YJU2B: variants seen among roughly 807,000 people sequenced by gnomAD.
YJU2B encodes YJU2 splicing factor homolog B.
In YJU2B, 18 loss-of-function variants were observed where a neutral mutation model predicts 38.0. The ratio of observed to expected loss-of-function variants is 0.47; its 90% CI spans 0.33 to 0.70. The LOEUF (loss-of-function observed/expected upper bound fraction) is 0.70. Among genes scored for constraint, YJU2B ranks in the 30% least tolerant of loss-of-function variants. The probability of loss-of-function intolerance (pLI) is 0.02; values close to 1 mark genes in which losing one functional copy is unlikely to be tolerated. For synonymous variants in YJU2B, 246 were observed against 225.4 expected (o/e 1.09, Z -0.82); for missense variants, 538 against 556.3 (o/e 0.97, Z 0.33).
chr19:13,742,823 G>C (rs752162786), intron 2 of YJU2B, among the ~76,000 whole-genome samples: 7 of 152,192 alleles, frequency 4.6e-5, no homozygotes, highest in Non-Finnish European at 7.3e-5. Context: ...TACAAGACAA[G>C]GGCTCAAGCA....
At chr19:13,751,181 G>T (rs1844972898) in intron 1 of YJU2B, among the ~76,000 whole-genome samples, 1 of 152,192 alleles carries the variant, frequency 6.6e-6, no homozygotes, top group South Asian at 2.1e-4. Flanking sequence ...ACTTTGGGAG[G>T]TTGGGGCGGG....
At chr19:13,755,321 C>T (rs1428060410) in intron 3 of YJU2B, among the ~76,000 whole-genome samples, 3 of 151,876 alleles carry the variant, frequency 2.0e-5, no homozygotes, top group African/African-American at 7.3e-5. Context: ...ATTAGCTGGG[C>T]GTAGTGGCCC....
At chr19:13,744,529 A>T (rs2145103259), upstream of YJU2B, among the ~76,000 whole-genome samples, 1 of 152,212 alleles carries the variant, frequency 6.6e-6, no homozygotes, top group South Asian at 2.1e-4. Flanking sequence ...CAAGTTACTT[A>T]TTTACTTCTC....
chr19:13,738,168 C>G (rs978030158), intron 2 of YJU2B, among the ~76,000 whole-genome samples: 7 of 152,214 alleles, frequency 4.6e-5, no homozygotes, highest in African/African-American at 1.2e-4. Context: ...TGAAGCATGA[C>G]TTTTCCATGC....
At chr19:13,757,225 T>C (rs1284465827) in intron 4 of YJU2B, among the ~76,000 whole-genome samples, 193 bp from the exon 5 acceptor site, 1 of 152,134 alleles carries the variant, frequency 6.6e-6, no homozygotes, top group African/African-American at 2.4e-5. Context: ...AAGTTCCTGC[T>C]CAGTTACAAT....
At chr19:13,751,150 G>A (rs1052338534) in intron 1 of YJU2B, among the ~76,000 whole-genome samples, 2 of 152,114 alleles carry the variant, frequency 1.3e-5, no homozygotes, top group African/African-American at 2.4e-5. Flanking sequence ...GGGCATGGTG[G>A]CTCACACCTG....
chr19:13,758,745 A>T, intron 6 of YJU2B, 123 bp from the exon 7 acceptor site: 1 of 1,181,768 alleles, frequency 8.5e-7, no homozygotes, highest in East Asian at 2.5e-5. Flanking sequence ...CACGGCACAC[A>T]GTGGGTGCTC....
chr19:13,763,224 T>G lies in YJU2B; in HGVS notation c.*156T>G, dbSNP rs758331113. 42 of 592,340 alleles carry G rather than the reference T, an allele frequency of 7.1e-5. No homozygotes were observed. Among genetic ancestry groups the G allele is most frequent in the Non-Finnish European group, 1.1e-4 (38 of 343,152 alleles). The allele number at this position is 592,340 out of a possible 1,614,324, so 36.7% of individuals were successfully genotyped here. A position where few individuals can be genotyped will look rare whatever the true frequency, so the allele number is the denominator to read the frequency against. On this transcript the variant is annotated 3_prime_UTR_variant, in exon 10 of 10. Coordinates refer to ENST00000221554, the MANE Select transcript of YJU2B (RefSeq NM_030818.4). ...GCGCCTTCCTGCAACCGTGGAGTTA[T>G]TTATTTGGTCCTGGTGAGGGTGTTT...
At chr19:13,756,687 G>A (rs1051966038) in intron 4 of YJU2B, among the ~76,000 whole-genome samples, 1 of 152,116 alleles carries the variant, frequency 6.6e-6, no homozygotes, top group African/African-American at 2.4e-5. Context: ...AAAAGACAGT[G>A]ATCGTAGTTG....
At chr19:13,738,892 CAA>C (rs527948929) in intron 2 of YJU2B, among the ~76,000 whole-genome samples, 8 of 55,424 alleles carry the variant, frequency 1.4e-4, no homozygotes, top group Non-Finnish European at 1.8e-4. Flanking sequence ...GACTCTGTCT[CAA>C]AAAAAAAAAA....
Position 13,750,194 on chromosome 19 carries a change from CTA to C in YJU2B, c.-201-1412_-201-1411del, listed in dbSNP as rs35798868. Among the ~76,000 whole-genome samples, 1,351 of 152,254 alleles carry C rather than the reference CTA, an allele frequency of 8.9e-3. 20 individuals are homozygous for C. The highest frequency in any genetic ancestry group is 0.031 in the African/African-American group (1,294 of 41,550). Reference sequence around the variant, plus strand: ...GATCAGAATTCCAGGAAACAAGTGACTATGGATTGGATGGTTAGATGAGTTCA... The same window carrying C: ...GATCAGAATTCCAGGAAACAAGTGACTGGATTGGATGGTTAGATGAGTTCA... On this transcript the variant is annotated intron_variant, in intron 1 of 9. Transcript: ENST00000221554.
At chr19:13,754,000 A>G (rs911298666) in intron 2 of YJU2B, among the ~76,000 whole-genome samples, 4 of 151,710 alleles carry the variant, frequency 2.6e-5, no homozygotes, top group Non-Finnish European at 5.9e-5. Context: ...GTGAAACCCC[A>G]TCTCTACTAA....
chr19:13,737,115 A>C (rs1972970880), intron 2 of YJU2B, among the ~76,000 whole-genome samples: 1 of 151,982 alleles, frequency 6.6e-6, no homozygotes. Context: ...GCAGCCTCAA[A>C]CTCCAGGGCT....
intron 6 of YJU2B, 83 bp from the exon 7 acceptor site, chr19:13,758,785 G>A: frequency 6.6e-7 from 1 of 1,511,682 alleles, no homozygotes; most frequent in Non-Finnish European, 9.1e-7. Context: ...ACACCATTGG[G>A]TGGAAGGAAG....
chr19:13,756,869 C>T (rs1020715871), intron 4 of YJU2B, among the ~76,000 whole-genome samples: 3 of 150,816 alleles, frequency 2.0e-5, no homozygotes, highest in Admixed American at 6.7e-5. Context: ...CCCAGCTCCT[C>T]GGGAGGCTGA....
rs1032892751 is a variant in YJU2B at position 13,740,942 on chromosome 19, C to T, written c.-202+8657C>T. 3.9e-5 allele frequency among the ~76,000 whole-genome samples: 6 copies of T among 152,252 alleles called. No homozygotes were observed. In the East Asian group the frequency reaches 7.7e-4, roughly 20 times the overall value. On this transcript the variant is annotated intron_variant, in intron 2 of 10. Transcript: ENST00000586600. The stretch of plus-strand genomic sequence containing the variant: ...CATCCAACCCTCAATTGCAGCCCTG[C>T]GCATAGGGTTCAGCTAAGCCACACC...
At chr19:13,746,620 A>G (rs1192632057), upstream of YJU2B, among the ~76,000 whole-genome samples, 1 of 152,208 alleles carries the variant, frequency 6.6e-6, no homozygotes, top group Non-Finnish European at 1.5e-5. Flanking sequence ...AAAAAGGATC[A>G]GAGAGGCTGG....
upstream of YJU2B, among the ~76,000 whole-genome samples, chr19:13,745,718 T>G (rs1466775245): frequency 1.1e-5 from 1 of 92,534 alleles, no homozygotes; most frequent in South Asian, 3.5e-4. Context: ...TCTATAGATC[T>G]ATAGATATCT....
chr19:13,743,024 C>T (rs568969740), upstream of YJU2B, among the ~76,000 whole-genome samples: 7 of 152,292 alleles, frequency 4.6e-5, no homozygotes, highest in South Asian at 1.4e-3. Context: ...ACAGTAAAAC[C>T]AGATACCCAC....
Sources: allele counts gnomAD v4.1 joint callset (sites outside exome capture counted in the v4.1 genomes callset), GRCh38; gene constraint gnomAD v4.1.1; transcripts MANE v1.5; gene names NCBI Gene and HGNC (gene_info 2026-07-23, HGNC 2026-07-21).